SEMA3C: variants seen among roughly 807,000 people sequenced by gnomAD.
SEMA3C encodes the protein semaphorin 3C.
In SEMA3C, 47 loss-of-function variants were observed where a neutral mutation model predicts 89.4. The observed-to-expected ratio is 0.53, with a 90% confidence interval of 0.42 to 0.67. The LOEUF is 0.67. Ranked by LOEUF, SEMA3C falls within the 30% of genes least tolerant of loss-of-function variation. SEMA3C has a pLI of 0.00. For missense variants in SEMA3C, 839 were observed against 929.1 expected (o/e 0.90, Z 1.26); for synonymous variants, 310 against 320.2 (o/e 0.97, Z 0.34).
chr7:80,765,248 A>AT lies in SEMA3C; in HGVS notation c.1355-6dup. ...CTTTTTGCACAGTACCCCGATCTAA[A>AT]TTAAAAAAAGAAGAAATGAGATGTT... On this transcript the variant is annotated splice_region_variant and splice_polypyrimidine_tract_variant and intron_variant, in intron 12 of 17. Transcript: ENST00000265361. 6.2e-7 allele frequency: 1 copy of AT among 1,605,086 alleles called. No individual in the cohort carries two copies. Among genetic ancestry groups the AT allele is most frequent in the African/African-American group, 1.3e-5 (1 of 74,678 alleles).
chr7:80,748,850 T>C (rs765354107), intron 17 of SEMA3C, 48 bp downstream of exon 17: 3 of 1,536,368 alleles, frequency 2.0e-6, no homozygotes, highest in Non-Finnish European at 1.8e-6. Context: ...AGTGATTTAA[T>C]GTTCTCTCTG....
chr7:80,912,477 C>T (rs1177364250), intron 2 of SEMA3C, among the ~76,000 whole-genome samples: 1 of 152,134 alleles, frequency 6.6e-6, no homozygotes, highest in Non-Finnish European at 1.5e-5. Context: ...CTATTCTAGA[C>T]TCATGTTTCA....
At chr7:80,864,932 A>T (rs1165250513) in intron 2 of SEMA3C, among the ~76,000 whole-genome samples, 1 of 151,804 alleles carries the variant, frequency 6.6e-6, no homozygotes, top group East Asian at 1.9e-4. Flanking sequence ...AACATCTTTC[A>T]CTTCCTCTCA....
In SEMA3C at chr7:80,859,608, G is replaced by A. The variant is rs971442555; in HGVS notation, c.104-30863C>T. On this transcript the variant is annotated intron_variant, in intron 2 of 17. Transcript: ENST00000265361. ...CAAAAAGAAAAGATTTAAGTCAAAC[G>A]CAAAGTTTAGCTGATTTCTGTATGT... Among the ~76,000 whole-genome samples the A allele has an allele frequency of 1.7e-4, 26 of 152,226 alleles. No individual in the cohort carries two copies. The South Asian group carries it at 2.1e-3, about 12-fold the overall frequency.
chr7:80,891,693 T>C (rs921467582), intron 2 of SEMA3C, among the ~76,000 whole-genome samples: 60 of 151,994 alleles, frequency 3.9e-4, no homozygotes, highest in African/African-American at 1.4e-3. Context: ...TGGGGGAAAA[T>C]AGTCTAACCC....
intron 2 of SEMA3C, among the ~76,000 whole-genome samples, chr7:80,867,895 G>C (rs1790965943): frequency 6.6e-6 from 1 of 152,140 alleles, no homozygotes; most frequent in Non-Finnish European, 1.5e-5. Flanking sequence ...GGAAATGATA[G>C]GGCATGACAA....
chr7:80,851,894 T>G (rs958721979), intron 2 of SEMA3C, among the ~76,000 whole-genome samples: 1 of 152,212 alleles, frequency 6.6e-6, no homozygotes, highest in African/African-American at 2.4e-5. Flanking sequence ...TTTAGTTGTA[T>G]TTACATTAGA....
intron 17 of SEMA3C, among the ~76,000 whole-genome samples, chr7:80,746,259 T>A (rs1787796892): frequency 6.6e-6 from 1 of 152,100 alleles, no homozygotes; most frequent in Non-Finnish European, 1.5e-5. Context: ...CAAAGATGAA[T>A]TGGTTTGTGC....
At chr7:80,839,948 C>G (rs1436445927) in intron 2 of SEMA3C, among the ~76,000 whole-genome samples, 3 of 152,064 alleles carry the variant, frequency 2.0e-5, no homozygotes, top group African/African-American at 7.2e-5. Flanking sequence ...AATAAAACTC[C>G]CTTGACCATA....
chr7:80,897,749 T>C (rs1214196619), intron 2 of SEMA3C, among the ~76,000 whole-genome samples: 2 of 152,220 alleles, frequency 1.3e-5, no homozygotes, highest in Non-Finnish European at 1.5e-5. Flanking sequence ...TCATTTACCA[T>C]TTAAAAGATT....
At chr7:80,753,648 T>C (rs746708279) in intron 15 of SEMA3C, among the ~76,000 whole-genome samples, 2 of 152,198 alleles carry the variant, frequency 1.3e-5, no homozygotes, top group South Asian at 2.1e-4. Context: ...CAGAGTAATA[T>C]TGTATTGCAT....
intron 2 of SEMA3C, among the ~76,000 whole-genome samples, chr7:80,868,226 C>T (rs1790974617): frequency 6.6e-6 from 1 of 151,832 alleles, no homozygotes; most frequent in Non-Finnish European, 1.5e-5. Context: ...ATATTCCTTT[C>T]CTTCATATAT....
At chr7:80,891,011 T>G (rs1178120697) in intron 2 of SEMA3C, among the ~76,000 whole-genome samples, 1 of 152,152 alleles carries the variant, frequency 6.6e-6, no homozygotes, top group Non-Finnish European at 1.5e-5. Flanking sequence ...TTAAAAGCCT[T>G]CCAGGAATTC....
chr7:80,897,508 G>A (rs1791768012), intron 2 of SEMA3C, among the ~76,000 whole-genome samples: 1 of 152,026 alleles, frequency 6.6e-6, no homozygotes, highest in African/African-American at 2.4e-5. Context: ...GAACACCAGA[G>A]AAGAAAAGCA....
rs1443922989 is a variant in SEMA3C, at chr7:80,758,474, C to G, written c.1500G>C (p.Val500=). ...KISSKKQQLY[V]SSNEGVSQVS... ...CCTGGGAAACCCCTTCATTGGAACT[C>G]ACATACAACTGTTGCTATTAAAGGA... The change falls in exon 15 of 18, where the codon GTG becomes GTC. Residue 500 remains valine (V), a synonymous_variant. Coordinates refer to ENST00000265361, the MANE Select transcript of SEMA3C (RefSeq NM_006379.5). 6.2e-7 allele frequency: 1 copy of G among 1,613,716 alleles called. No individual in the cohort carries two copies. The highest frequency in any genetic ancestry group is 1.1e-5 in the South Asian group (1 of 91,028).
upstream of SEMA3C, among the ~76,000 whole-genome samples, chr7:80,919,824 C>T (rs190317321): frequency 1.1e-4 from 17 of 152,214 alleles, no homozygotes; most frequent in Non-Finnish European, 1.5e-4. Flanking sequence ...CCGCCCGCCT[C>T]AGCCGCCCAA....
At chr7:80,778,028 A>G (rs1207648567) in intron 12 of SEMA3C, among the ~76,000 whole-genome samples, 1 of 152,144 alleles carries the variant, frequency 6.6e-6, no homozygotes, top group East Asian at 1.9e-4. Context: ...ATAAGTTTGT[A>G]TATTCTGGTT....
intron 2 of SEMA3C, among the ~76,000 whole-genome samples, chr7:80,845,998 T>C (rs949624965): frequency 6.6e-6 from 1 of 152,220 alleles, no homozygotes; most frequent in Non-Finnish European, 1.5e-5. Flanking sequence ...TGCAATGGAC[T>C]TTCTTTTTCT....
chr7:80,895,615 G>A (rs997655004), intron 2 of SEMA3C, among the ~76,000 whole-genome samples: 2 of 152,062 alleles, frequency 1.3e-5, no homozygotes, highest in Admixed American at 6.5e-5. Context: ...ACATGTGCAC[G>A]GAATGATTAG....
Sources: gnomAD v4.1 joint callset for allele counts (sites outside exome capture counted in the v4.1 genomes callset) on GRCh38, gnomAD v4.1.1 for gene constraint, MANE v1.5 for transcripts, NCBI Gene and HGNC (gene_info 2026-07-23, HGNC 2026-07-21) for gene names.